Variants in STARD5 observed in about 807,000 individuals in gnomAD.
STARD5 encodes StAR related lipid transfer domain containing 5.
A neutral mutation model predicts 24.6 loss-of-function variants in STARD5; 26 were observed. The observed-to-expected ratio is 1.06, with a 90% confidence interval of 0.77 to 1.47. STARD5 has a LOEUF of 1.47. Among genes scored for constraint, STARD5 ranks in the 40% most tolerant of loss-of-function variants. The pLI, the probability that STARD5 is intolerant of heterozygous loss-of-function variation, is 0.00. For synonymous variants in STARD5, 101 were observed against 99.7 expected (o/e 1.01, Z -0.07); for missense variants, 254 against 270.8 (o/e 0.94, Z 0.44).
intron 1 of STARD5, 83 bp from the exon 2 acceptor site, chr15:81,323,031 G>A (rs987880426): frequency 2.0e-6 from 3 of 1,491,034 alleles, no homozygotes; most frequent in Non-Finnish European, 2.8e-6. Flanking sequence ...TACAGAAGAG[G>A]GGTAAGAGGC....
In STARD5 at chr15:81,310,584, T is replaced by C. The variant is rs1219329602; in HGVS notation, c.*2672A>G. 6.6e-6 allele frequency: 1 copy of C among 152,180 alleles called. No individual in the cohort carries two copies. Among genetic ancestry groups the C allele is most frequent in the Non-Finnish European group, 1.5e-5 (1 of 68,020 alleles). The allele number at this position is 152,180 out of a possible 1,614,324, so 9.4% of individuals were successfully genotyped here. A position where few individuals can be genotyped will look rare whatever the true frequency, so the allele number is the denominator to read the frequency against. On this transcript the variant is annotated 3_prime_UTR_variant, in exon 6 of 6. Transcript: ENST00000302824. ...CATAATCTACCAACGAAAGACGTGA[T>C]TCAATTCAACACTCCCTTCCCATGA...
At chr15:81,317,847 A>C (rs1218559993) in intron 5 of STARD5, among the ~76,000 whole-genome samples, 1 of 152,216 alleles carries the variant, frequency 6.6e-6, no homozygotes, top group South Asian at 2.1e-4. Flanking sequence ...ACCTGTGGCA[A>C]AATGGGAACA....
chr15:81,315,484 A>G (rs1214521998), intron 5 of STARD5, among the ~76,000 whole-genome samples: 2 of 152,142 alleles, frequency 1.3e-5, no homozygotes, highest in Admixed American at 6.5e-5. Flanking sequence ...AAAGGCTGGG[A>G]TGAAGGCATC....
intron 5 of STARD5, among the ~76,000 whole-genome samples, chr15:81,314,908 A>AAAAAAAAAAAAC (rs1567054860): frequency 1.4e-5 from 2 of 146,166 alleles, no homozygotes; most frequent in Non-Finnish European, 3.0e-5. Flanking sequence ...AAAAAAAAAA[A>AAAAAAAAAAAAC]AAAAAAAGAA....
At chr15:81,323,794 ATACT>A (rs760139689) in intron 1 of STARD5, 31 of 705,980 alleles carry the variant, frequency 4.4e-5, no homozygotes, top group South Asian at 7.0e-5. Context: ...AAAGGAACAG[ATACT>A]TACCACCTGA....
intron 5 of STARD5, among the ~76,000 whole-genome samples, chr15:81,318,012 C>T (rs114067396): frequency 0.017 from 2,602 of 152,228 alleles, 91 homozygotes; most frequent in African/African-American, 0.06. Flanking sequence ...TCCTGCCTGG[C>T]GGAGGGTATT....
intron 3 of STARD5, 110 bp downstream of exon 3, chr15:81,322,298 C>T (rs1893304572): frequency 1.4e-6 from 2 of 1,427,516 alleles, no homozygotes; most frequent in Non-Finnish European, 1.9e-6. Context: ...GCTTGCAGGA[C>T]ACACCCCCTT....
chr15:81,315,925 A>G (rs1373088708), intron 5 of STARD5, among the ~76,000 whole-genome samples: 1 of 152,146 alleles, frequency 6.6e-6, no homozygotes, highest in East Asian at 1.9e-4. Context: ...AAGTCAGACC[A>G]TGTCCTGCTC....
chr15:81,312,370 G>A lies in STARD5; in HGVS notation c.*886C>T, dbSNP rs1458949075. 2 of 152,226 alleles carry A rather than the reference G, an allele frequency of 1.3e-5. No individual in the cohort carries two copies. Among genetic ancestry groups the A allele is most frequent in the African/African-American group, 2.4e-5 (1 of 41,442 alleles). The allele number at this position is 152,226 out of a possible 1,614,324, so 9.4% of individuals were successfully genotyped here. A position where few individuals can be genotyped will look rare whatever the true frequency, so the allele number is the denominator to read the frequency against. ...GGCCTACTCTTCCATCTTTCCTGAT[G>A]GCAGGATGGCCTGGCCAGGGCCTGG... On this transcript the variant is annotated 3_prime_UTR_variant, in exon 6 of 6. Coordinates refer to ENST00000302824, the MANE Select transcript of STARD5 (RefSeq NM_181900.3).
chr15:81,318,275 G>T, intron 5 of STARD5, 134 bp downstream of exon 5: 1 of 706,714 alleles, frequency 1.4e-6, no homozygotes, highest in Non-Finnish European at 2.5e-6. Flanking sequence ...ATTTTGTATC[G>T]TCACAATCTA....
chr15:81,320,257 T>C (rs1901169688), intron 3 of STARD5, among the ~76,000 whole-genome samples: 1 of 152,158 alleles, frequency 6.6e-6, no homozygotes, highest in Non-Finnish European at 1.5e-5. Context: ...TCCCCTCAGG[T>C]ATTAAGACTT....
intron 4 of STARD5, among the ~76,000 whole-genome samples, chr15:81,319,111 C>G (rs998475857): frequency 2.0e-5 from 3 of 150,280 alleles, no homozygotes; most frequent in African/African-American, 7.4e-5. Flanking sequence ...AAAAAAGGGG[C>G]ACTGGCAAAA....
Position 81,311,408 on chromosome 15 carries a change from C to T in STARD5, c.*1848G>A, listed in dbSNP as rs949136561. 1.3e-5 allele frequency: 2 copies of T among 152,256 alleles called. No homozygotes were observed. The highest frequency in any genetic ancestry group is 4.8e-5 in the African/African-American group (2 of 41,460). 9.4% of individuals were successfully genotyped at this position (152,256 alleles called of 1,614,324 possible). On this transcript the variant is annotated 3_prime_UTR_variant, in exon 6 of 6. Transcript: ENST00000302824. ...AAATCAAAGCAGATATATTAAGTGACTGTTCAAGAGCACACTTGGCCCAAG... is the reference window on the plus strand; with the variant it reads ...AAATCAAAGCAGATATATTAAGTGATTGTTCAAGAGCACACTTGGCCCAAG...
chr15:81,320,493 C>T (rs1397509851), intron 3 of STARD5, among the ~76,000 whole-genome samples: 3 of 152,170 alleles, frequency 2.0e-5, no homozygotes, highest in African/African-American at 7.2e-5. Flanking sequence ...TGAAGAAAAG[C>T]ACAGCATATG....
At chr15:81,315,711 T>A (rs1901068171) in intron 5 of STARD5, among the ~76,000 whole-genome samples, 1 of 151,152 alleles carries the variant, frequency 6.6e-6, no homozygotes, top group Non-Finnish European at 1.5e-5. Context: ...CCCCAATGAG[T>A]CCTCTTGCCC....
chr15:81,323,030 G>T (rs749831230), intron 1 of STARD5, 82 bp from the exon 2 acceptor site: 1 of 1,485,828 alleles, frequency 6.7e-7, no homozygotes, highest in Non-Finnish European at 9.3e-7. Flanking sequence ...CTACAGAAGA[G>T]GGGTAAGAGG....
In STARD5 at chr15:81,313,349, G is replaced by A; in HGVS notation, c.549C>T (p.Tyr183=). ...AGGAGTCCACCACGTTCTGTGGGAGGTAACCGCTGAGGTCGGTATGGAAGA... is the reference window on the plus strand; with the variant it reads ...AGGAGTCCACCACGTTCTGTGGGAGATAACCGCTGAGGTCGGTATGGAAGA... ...VTFFHTDLSG[Y]LPQNVVDSFF... The change falls in exon 6 of 6, where the codon TAC becomes TAT. Residue 183 remains tyrosine, a synonymous_variant. Transcript: ENST00000302824. 6.3e-7 allele frequency: 1 copy of A among 1,582,336 alleles called. No individual in the cohort carries two copies. The highest frequency in any genetic ancestry group is 8.6e-7 in the Non-Finnish European group (1 of 1,164,672).
intron 5 of STARD5, among the ~76,000 whole-genome samples, chr15:81,315,319 G>A (rs1044616766): frequency 6.6e-6 from 1 of 152,106 alleles, no homozygotes; most frequent in Non-Finnish European, 1.5e-5. Flanking sequence ...TGTGGTGGGC[G>A]GAACGTGTGA....
rs1424926659 is a variant in STARD5, at chr15:81,322,392, G to T, written c.282+16C>A. ...CCCAGACACTATCTAGAGATAACAT[G>T]CTTGGAAAGACTTACGTCAGTGATG... On this transcript the variant is annotated intron_variant, in intron 3 of 5. Coordinates refer to ENST00000302824, the MANE Select transcript of STARD5 (RefSeq NM_181900.3). 4 of 1,614,156 alleles carry T rather than the reference G, an allele frequency of 2.5e-6. No homozygotes were observed. Among genetic ancestry groups the T allele is most frequent in the Non-Finnish European group, 3.4e-6 (4 of 1,180,002 alleles).
Sources: allele counts gnomAD v4.1 joint callset (sites outside exome capture counted in the v4.1 genomes callset), GRCh38; gene constraint gnomAD v4.1.1; transcripts MANE v1.5; gene names NCBI Gene and HGNC (gene_info 2026-07-23, HGNC 2026-07-21).